The following BRINP3 variants were observed in gnomAD, a reference collection of about 807,000 sequenced individuals.
BRINP3 encodes BMP/retinoic acid-inducible neural-specific protein 3.
In BRINP3, 19 loss-of-function variants were observed where a neutral mutation model predicts 71.0. The ratio of observed to expected loss-of-function variants is 0.27; its 90% CI spans 0.19 to 0.39. The LOEUF (loss-of-function observed/expected upper bound fraction) is 0.39, where lower values mean the gene tolerates loss of function less well. Ranked by LOEUF, BRINP3 falls within the 10% of genes least tolerant of loss-of-function variation. The pLI is 1.00. For synonymous variants in BRINP3, 380 were observed against 337.7 expected (o/e 1.13, Z -1.37); for missense variants, 959 against 940.8 (o/e 1.02, Z -0.25).
In BRINP3 at chr1:190,281,640, C is replaced by T. The variant is rs755315472; in HGVS notation, c.347G>A (p.Arg116His). ...EFFRNIRLLGRRPTLQQITEN... is the reference protein window; with the variant it reads ...EFFRNIRLLGHRPTLQQITEN... ...TGTGATTTGCTGAAGGGTAGGTCGA[C>T]GTCCCAAAAGTCTTATGTTGCGGAA... is the stretch of plus-strand genomic sequence containing the variant. Residue 116 changes from arginine (R) to histidine (H), a missense_variant, in exon 3 of 8, where the codon CGT becomes CAT. Coordinates refer to ENST00000367462, the MANE Select transcript of BRINP3 (RefSeq NM_199051.3). The T allele has an allele frequency of 1.7e-5, 27 of 1,612,908 alleles. No homozygotes were observed. The highest frequency in any genetic ancestry group is 2.7e-5 in the African/African-American group (2 of 74,866).
intron 7 of BRINP3, among the ~76,000 whole-genome samples, chr1:190,140,776 A>G (rs1279836531): frequency 6.6e-6 from 1 of 152,188 alleles, no homozygotes; most frequent in Admixed American, 6.5e-5. Context: ...GGATTCATTC[A>G]TTAGAAAGTA....
intron 5 of BRINP3, among the ~76,000 whole-genome samples, chr1:190,226,902 C>T (rs1657437173): frequency 6.6e-6 from 1 of 151,816 alleles, no homozygotes; most frequent in South Asian, 2.1e-4. Context: ...TTAGTTATTT[C>T]ACAGTTTATT....
intron 6 of BRINP3, among the ~76,000 whole-genome samples, chr1:190,178,850 T>C (rs1176410776): frequency 6.6e-6 from 1 of 152,126 alleles, no homozygotes; most frequent in East Asian, 1.9e-4. Context: ...ATTGAAGAAC[T>C]ATAAGGGAGG....
intron 6 of BRINP3, among the ~76,000 whole-genome samples, chr1:190,203,780 T>A (rs1449349601): frequency 5.3e-5 from 5 of 94,770 alleles, no homozygotes; most frequent in African/African-American, 1.3e-4. Flanking sequence ...TATATATATA[T>A]ATATATATAT....
intron 6 of BRINP3, 62 bp from the exon 7 acceptor site, chr1:190,160,952 C>T (rs1237826307): frequency 1.7e-6 from 2 of 1,162,594 alleles, no homozygotes; most frequent in Non-Finnish European, 2.5e-6. Flanking sequence ...TTTTCACAAA[C>T]ACGTATGTCA....
intron 2 of BRINP3, among the ~76,000 whole-genome samples, chr1:190,415,551 A>T (rs1047520171): frequency 6.6e-6 from 1 of 152,170 alleles, no homozygotes; most frequent in Non-Finnish European, 1.5e-5. Flanking sequence ...AAGGATTACT[A>T]AACATATGTA....
At chr1:190,262,418 T>C (rs1430655135) in intron 4 of BRINP3, among the ~76,000 whole-genome samples, 1 of 152,196 alleles carries the variant, frequency 6.6e-6, no homozygotes, top group East Asian at 1.9e-4. Flanking sequence ...CATGCCTGTA[T>C]TCTTGGCTAT....
intron 2 of BRINP3, among the ~76,000 whole-genome samples, chr1:190,301,200 C>CAT (rs1205544792): frequency 1.1e-5 from 1 of 87,802 alleles, no homozygotes; most frequent in East Asian, 3.6e-4. Flanking sequence ...TATATATACA[C>CAT]ATACATATAT....
intron 7 of BRINP3, among the ~76,000 whole-genome samples, chr1:190,149,138 T>G (rs1363752687): frequency 6.6e-6 from 1 of 152,218 alleles, no homozygotes; most frequent in African/African-American, 2.4e-5. Flanking sequence ...AGAACAGTGT[T>G]TGACACACGT....
chr1:190,296,933 T>C (rs974292626), intron 2 of BRINP3, among the ~76,000 whole-genome samples: 5 of 152,214 alleles, frequency 3.3e-5, no homozygotes, highest in African/African-American at 1.2e-4. Flanking sequence ...AATTATCCAA[T>C]GTTTATGGAT....
chr1:190,141,487 A>T (rs1655425664), intron 7 of BRINP3, among the ~76,000 whole-genome samples: 1 of 151,000 alleles, frequency 6.6e-6, no homozygotes, highest in South Asian at 2.1e-4. Context: ...AACCTTTAGA[A>T]TATCACTTAA....
chr1:190,279,269 A>G (rs1662860848), intron 3 of BRINP3, among the ~76,000 whole-genome samples: 2 of 151,844 alleles, frequency 1.3e-5, no homozygotes, highest in African/African-American at 4.8e-5. Flanking sequence ...ACAATTATTA[A>G]AATATTTTAT....
chr1:190,330,163 C>T (rs947008124), intron 2 of BRINP3, among the ~76,000 whole-genome samples: 3 of 151,708 alleles, frequency 2.0e-5, no homozygotes, highest in Admixed American at 6.6e-5. Context: ...ATAGCTTCTG[C>T]ACAGTAAAAT....
At chr1:190,183,923 G>A (rs1329349152) in intron 6 of BRINP3, among the ~76,000 whole-genome samples, 3 of 152,090 alleles carry the variant, frequency 2.0e-5, no homozygotes, top group Non-Finnish European at 4.4e-5. Context: ...GCAGGAGCAG[G>A]ACAATTGTTG....
intron 6 of BRINP3, among the ~76,000 whole-genome samples, chr1:190,171,626 G>T (rs1170647084): frequency 1.3e-5 from 2 of 152,036 alleles, no homozygotes; most frequent in Non-Finnish European, 2.9e-5. Flanking sequence ...TATATTAAAT[G>T]AAAATGTATA....
At chr1:190,208,359 C>T (rs149093637) in intron 6 of BRINP3, among the ~76,000 whole-genome samples, 17 of 152,084 alleles carry the variant, frequency 1.1e-4, no homozygotes, top group African/African-American at 3.6e-4. Context: ...GAACATGCCA[C>T]TACTTAATGC....
intron 1 of BRINP3, among the ~76,000 whole-genome samples, chr1:190,456,037 G>A (rs534106073): frequency 3.9e-4 from 59 of 152,192 alleles, no homozygotes; most frequent in African/African-American, 1.3e-3. Context: ...TTACTTGCAT[G>A]AGTTCTTACT....
chr1:190,297,067 GTAAAATCACAAAAGACT>G (rs1433287816), intron 2 of BRINP3, among the ~76,000 whole-genome samples: 2 of 151,848 alleles, frequency 1.3e-5, no homozygotes, highest in Non-Finnish European at 2.9e-5. Context: ...TAAAATTTAT[GTAAAATCACAAAAGACT>G]TAAAATAGAT....
intron 2 of BRINP3, among the ~76,000 whole-genome samples, chr1:190,296,861 T>G (rs1008694389): frequency 2.0e-5 from 3 of 151,840 alleles, no homozygotes; most frequent in African/African-American, 7.3e-5. Flanking sequence ...AGTAAAAAAT[T>G]TGTACACTGG....
Sources: gnomAD v4.1 joint callset for allele counts (sites outside exome capture counted in the v4.1 genomes callset) on GRCh38, gnomAD v4.1.1 for gene constraint, MANE v1.5 for transcripts, NCBI Gene and HGNC (gene_info 2026-07-23, HGNC 2026-07-21) for gene names.